Variants in PCSK5 observed in about 807,000 individuals in gnomAD.
The protein encoded by PCSK5 is prohormone convertase 5.
PCSK5 carries 129 observed loss-of-function variants against 233.2 expected under a neutral mutation model. The observed-to-expected ratio is 0.55, with a 90% confidence interval of 0.48 to 0.64. The LOEUF is 0.64. PCSK5 is among the 30% of genes least tolerant of loss of function. The probability of loss-of-function intolerance (pLI) is 0.00; values close to 1 mark genes in which losing one functional copy is unlikely to be tolerated. For missense variants in PCSK5, 2,076 were observed against 2,430.1 expected (o/e 0.85, Z 3.06); for synonymous variants, 825 against 879.2 (o/e 0.94, Z 1.09).
At position 76,328,175 on chromosome 9, in the gene PCSK5, C is replaced by T. The variant is rs760012712; in HGVS notation, c.4506C>T (p.Cys1502=). The T allele has an allele frequency of 1.9e-6, 3 of 1,612,888 alleles. No individual in the cohort carries two copies. The highest frequency in any genetic ancestry group is 2.5e-6 in the Non-Finnish European group (3 of 1,179,888). ...APGCKPCHVK[C]FHCMGPAEDQ... is the part of the protein sequence containing the mutation. ...GGTGCAAGCCCTGCCATGTTAAGTG[C>T]TTCCACTGCATGGGGCCGGCGGAGG... The change falls in exon 33 of 38, where the codon TGC becomes TGT. Residue 1502 remains cysteine, a synonymous_variant. Coordinates refer to ENST00000674117, the MANE Select transcript of PCSK5 (RefSeq NM_001372043.1).
At chr9:75,902,654 G>A (rs555417369) in intron 1 of PCSK5, among the ~76,000 whole-genome samples, 50 of 152,330 alleles carry the variant, frequency 3.3e-4, no homozygotes, top group African/African-American at 1.0e-3. Context: ...AACAGAGGCT[G>A]AAGTATTTGA....
At chr9:76,001,992 A>G (rs1827282275) in intron 3 of PCSK5, among the ~76,000 whole-genome samples, 1 of 152,228 alleles carries the variant, frequency 6.6e-6, no homozygotes, top group South Asian at 2.1e-4. Flanking sequence ...CAATAAAGGC[A>G]TTAATTTAAT....
intron 10 of PCSK5, among the ~76,000 whole-genome samples, chr9:76,155,411 CTA>C (rs747583434): frequency 6.6e-6 from 1 of 152,180 alleles, no homozygotes; most frequent in East Asian, 1.9e-4. Flanking sequence ...TATTTGTCCT[CTA>C]TGTGCATCAA....
intron 13 of PCSK5, among the ~76,000 whole-genome samples, chr9:76,174,773 A>G (rs780304734): frequency 3.3e-5 from 5 of 152,196 alleles, no homozygotes; most frequent in Non-Finnish European, 7.3e-5. Flanking sequence ...CTCTGGTAGT[A>G]CATGCTCAGT....
rs1451795169 is a variant in PCSK5, at chr9:75,903,593, ATAT to A, written c.192+12221_192+12223del. ...GTGTGTGTATATATATATATAAAAT[ATAT>A]ATTATATATATATATTATATATATA... On this transcript the variant is annotated intron_variant, in intron 1 of 37. Coordinates refer to ENST00000674117, the MANE Select transcript of PCSK5 (RefSeq NM_001372043.1). Among the ~76,000 whole-genome samples, 144 of 141,020 alleles carry A rather than the reference ATAT, an allele frequency of 1.0e-3. 1 individual carries two copies. In the East Asian group the frequency reaches 0.026, roughly 25 times the overall value. The allele number at this position is 141,020 out of a possible 152,430, so 92.5% of individuals were successfully genotyped here.
chr9:76,164,888 TTG>T (rs1183143679), intron 12 of PCSK5, among the ~76,000 whole-genome samples: 2 of 152,138 alleles, frequency 1.3e-5, no homozygotes, highest in South Asian at 2.1e-4. Context: ...GGAATGCATT[TTG>T]GGGTTGGTGA....
chr9:76,160,272 C>T (rs1822796358), intron 12 of PCSK5, among the ~76,000 whole-genome samples: 2 of 152,178 alleles, frequency 1.3e-5, no homozygotes, highest in South Asian at 4.1e-4. Context: ...AATGTTCTAT[C>T]ACTCATTTTC....
At chr9:76,043,425 A>G (rs1439473123) in intron 5 of PCSK5, among the ~76,000 whole-genome samples, 3 of 152,048 alleles carry the variant, frequency 2.0e-5, no homozygotes, top group Non-Finnish European at 4.4e-5. Context: ...AAAGACTGCA[A>G]TTTTCATGGA....
rs781520178 is a variant in PCSK5 at position 76,328,149 on chromosome 9, G to T, written c.4480G>T (p.Gly1494Trp). 1.2e-6 allele frequency: 2 copies of T among 1,612,810 alleles called. No individual in the cohort carries two copies. The highest frequency in any genetic ancestry group is 1.1e-5 in the South Asian group (1 of 91,062). Reference protein sequence around the residue: ...PSEYWDEDAPGCKPCHVKCFH... With the variant: ...PSEYWDEDAPWCKPCHVKCFH... ...CGAGTACTGGGATGAGGATGCTCCC[G>T]GGTGCAAGCCCTGCCATGTTAAGTG... Residue 1494 changes from glycine to tryptophan, a missense_variant, in exon 33 of 38, where the codon GGG (glycine) becomes TGG (tryptophan). Around this residue, in one of 6 missense-constraint regions of PCSK5, gnomAD observed 1,510 missense variants for 1,538.1 expected, o/e 0.98. Coordinates refer to ENST00000674117, the MANE Select transcript of PCSK5 (RefSeq NM_001372043.1).
At chr9:76,114,321 A>G (rs1210901651) in intron 9 of PCSK5, among the ~76,000 whole-genome samples, 2 of 152,178 alleles carry the variant, frequency 1.3e-5, no homozygotes, top group African/African-American at 2.4e-5. Context: ...AAGAGCAGTT[A>G]CCACGGGCCT....
At chr9:76,235,500 A>G (rs1309095388) in intron 22 of PCSK5, among the ~76,000 whole-genome samples, 1 of 152,138 alleles carries the variant, frequency 6.6e-6, no homozygotes, top group Non-Finnish European at 1.5e-5. Flanking sequence ...TCTATTTGAA[A>G]TTGTGTTTAA....
chr9:75,946,650 G>A (rs573658108), intron 2 of PCSK5, among the ~76,000 whole-genome samples: 21 of 152,152 alleles, frequency 1.4e-4, no homozygotes, highest in African/African-American at 2.2e-4. Flanking sequence ...GTGCAGTGGC[G>A]CAATCTCCGC....
At chr9:75,962,088 C>T (rs1244415188) in intron 2 of PCSK5, among the ~76,000 whole-genome samples, 1 of 149,822 alleles carries the variant, frequency 6.7e-6, no homozygotes, top group Admixed American at 6.7e-5. Context: ...TTGTGGTGAG[C>T]ACTAGAAGGC....
intron 33 of PCSK5, among the ~76,000 whole-genome samples, chr9:76,328,673 C>A (rs78545266): frequency 6.6e-6 from 1 of 152,114 alleles, no homozygotes; most frequent in Non-Finnish European, 1.5e-5. Context: ...CTTACATAAC[C>A]GCAGGATAGT....
chr9:76,126,830 G>A (rs1832872719), intron 9 of PCSK5, among the ~76,000 whole-genome samples: 1 of 152,006 alleles, frequency 6.6e-6, no homozygotes, highest in African/African-American at 2.4e-5. Flanking sequence ...ATTACCTAAG[G>A]GGTACAGCAT....
At chr9:75,909,265 G>A (rs916366460) in intron 1 of PCSK5, among the ~76,000 whole-genome samples, 5 of 151,902 alleles carry the variant, frequency 3.3e-5, no homozygotes, top group African/African-American at 9.7e-5. Flanking sequence ...TGCAGAGGTT[G>A]CAATGAGCCA....
chr9:76,043,573 T>C (rs1314331301), intron 5 of PCSK5, among the ~76,000 whole-genome samples: 1 of 152,156 alleles, frequency 6.6e-6, no homozygotes, highest in Non-Finnish European at 1.5e-5. Context: ...CGTGCTGGCC[T>C]TGCTTATAGG....
At chr9:76,290,938 G>A (rs185715160) in intron 24 of PCSK5, among the ~76,000 whole-genome samples, 11 of 152,208 alleles carry the variant, frequency 7.2e-5, no homozygotes, top group South Asian at 2.1e-4. Flanking sequence ...TTTTACACCC[G>A]CAGAAACCAG....
rs142237443 is a variant in PCSK5 at position 76,231,540 on chromosome 9, T to C, written c.2730-1920T>C. ...CCCCATTCTCTTTTTCAGCAGAACATTGAATAGCTTCCTTGCTTAAAATCC... is the reference window on the plus strand; with the variant it reads ...CCCCATTCTCTTTTTCAGCAGAACACTGAATAGCTTCCTTGCTTAAAATCC... On this transcript the variant is annotated intron_variant, in intron 21 of 37. Coordinates refer to ENST00000674117, the MANE Select transcript of PCSK5 (RefSeq NM_001372043.1). Among the ~76,000 whole-genome samples the C allele has an allele frequency of 5.3e-5, 8 of 152,368 alleles. No homozygotes were observed. In the East Asian group the frequency reaches 1.5e-3, roughly 29 times the overall value.
Sources: gnomAD v4.1 joint callset for allele counts (sites outside exome capture counted in the v4.1 genomes callset) on GRCh38, gnomAD v4.1.1 for gene constraint, gnomAD v4.1.1 regional missense constraint, MANE v1.5 for transcripts, NCBI Gene and HGNC (gene_info 2026-07-23, HGNC 2026-07-21) for gene names.